The following ZC3H15 variants were observed in gnomAD, a reference collection of about 807,000 sequenced individuals.
ZC3H15 encodes the protein zinc finger CCCH domain-containing protein 15.
In ZC3H15, 15 loss-of-function variants were observed where a neutral mutation model predicts 51.2. That is an observed-to-expected ratio of 0.29 (90% CI 0.20 to 0.45). ZC3H15 has a LOEUF of 0.45. Ranked by LOEUF, ZC3H15 falls within the 20% of genes least tolerant of loss-of-function variation. The pLI is 1.00. For synonymous variants in ZC3H15, 144 were observed against 162.8 expected, an observed-to-expected ratio of 0.88 and a Z score of 0.88; for missense variants, 381 against 494.7, an observed-to-expected ratio of 0.77 and a Z score of 2.18.
intron 1 of ZC3H15, among the ~76,000 whole-genome samples, chr2:186,490,106 AT>A (rs200358174): frequency 0.011 from 1,701 of 151,884 alleles, 33 homozygotes; most frequent in African/African-American, 0.038. Context: ...TATTGCCTCC[AT>A]TTTTTTTATT....
At chr2:186,501,485 A>C (rs1685384019) in intron 4 of ZC3H15, 60 bp downstream of exon 4, 13 of 1,375,312 alleles carry the variant, frequency 9.5e-6, no homozygotes, top group Non-Finnish European at 1.3e-5. Flanking sequence ...GTTTGCTACT[A>C]AGATATTTAT....
chr2:186,508,941 A>G lies in ZC3H15; in HGVS notation c.*208A>G, dbSNP rs914242412. 2 of 649,810 alleles carry G rather than the reference A, an allele frequency of 3.1e-6. No individual in the cohort carries two copies. Among genetic ancestry groups the G allele is most frequent in the Non-Finnish European group, 5.6e-6 (2 of 358,628 alleles). 40.3% of individuals were successfully genotyped at this position (649,810 alleles called of 1,614,324 possible). On this transcript the variant is annotated 3_prime_UTR_variant, in exon 10 of 10. Coordinates refer to ENST00000337859, the MANE Select transcript of ZC3H15 (RefSeq NM_018471.3). ...TAGTAAGTTCAGAGTAGTTCATGATAAATTGAAAATATAATGGTCATTGCA... is the reference window on the plus strand; with the variant it reads ...TAGTAAGTTCAGAGTAGTTCATGATGAATTGAAAATATAATGGTCATTGCA...
chr2:186,494,275 C>A (rs547668288), intron 1 of ZC3H15, among the ~76,000 whole-genome samples: 1 of 152,096 alleles, frequency 6.6e-6, no homozygotes, highest in South Asian at 2.1e-4. Flanking sequence ...TTAGTATTTC[C>A]ATCTTAGCAA....
chr2:186,503,603 C>T (rs995975421), intron 5 of ZC3H15, among the ~76,000 whole-genome samples: 2 of 152,152 alleles, frequency 1.3e-5, no homozygotes, highest in Non-Finnish European at 2.9e-5. Context: ...GTCTTGAACT[C>T]CTGACCTCAG....
intron 1 of ZC3H15, among the ~76,000 whole-genome samples, chr2:186,490,062 C>T (rs542052600): frequency 2.2e-4 from 33 of 152,264 alleles, no homozygotes; most frequent in African/African-American, 7.2e-4. Flanking sequence ...TGCTTAGTTC[C>T]TGCCCATTTT....
intron 3 of ZC3H15, 45 bp from the exon 4 acceptor site, chr2:186,501,228 A>G (rs760232210): frequency 6.6e-7 from 1 of 1,513,678 alleles, no homozygotes; most frequent in East Asian, 2.3e-5. Context: ...TATACTTTAC[A>G]GCCTGGCAGA....
At chr2:186,506,189 T>C (rs191967649) in intron 8 of ZC3H15, 1 of 353,064 alleles carries the variant, frequency 2.8e-6, no homozygotes, top group East Asian at 6.8e-5. Flanking sequence ...TATTTTATGC[T>C]TAAAAGTTAT....
At chr2:186,490,750 A>G (rs1336190200) in intron 1 of ZC3H15, among the ~76,000 whole-genome samples, 1 of 152,068 alleles carries the variant, frequency 6.6e-6, no homozygotes, top group Non-Finnish European at 1.5e-5. Flanking sequence ...TTACGTACGG[A>G]TGGGAGGGAA....
chr2:186,506,133 G>C, intron 8 of ZC3H15: 2 of 432,428 alleles, frequency 4.6e-6, no homozygotes, highest in Non-Finnish European at 8.7e-6. Context: ...CCTGTAAAAA[G>C]TATGTTTTGT....
Position 186,508,611 on chromosome 2 carries a change from A to G in ZC3H15, c.1159A>G (p.Asn387Asp). 1.2e-6 allele frequency: 2 copies of G among 1,613,668 alleles called. No homozygotes were observed. The highest frequency in any genetic ancestry group is 1.1e-5 in the South Asian group (1 of 91,044). Residue 387 changes from asparagine (N) to aspartate (D), a missense_variant, in exon 10 of 10, where the codon AAC becomes GAC. Transcript: ENST00000337859. ...NGERSDLEED[N>D]EREGTENGAI... ...TGAAAGAAGTGACTTGGAAGAGGAC[A>G]ACGAGAGGGAGGGAACGGAAAATGG...
chr2:186,497,263 T>A, intron 2 of ZC3H15: 1 of 311,018 alleles, frequency 3.2e-6, no homozygotes, highest in Non-Finnish European at 6.1e-6. Context: ...ATTTGTGAGA[T>A]AAGTAAATTT....
intron 3 of ZC3H15, 119 bp downstream of exon 3, chr2:186,500,412 A>C: frequency 1.1e-6 from 1 of 896,228 alleles, no homozygotes; most frequent in South Asian, 1.7e-5. Flanking sequence ...TGAAAATGTT[A>C]CTCCATCAAA....
chr2:186,497,272 T>G, intron 2 of ZC3H15: 1 of 309,960 alleles, frequency 3.2e-6, no homozygotes, highest in Middle Eastern at 1.2e-3. Flanking sequence ...ATAAGTAAAT[T>G]TCTCTTGCTC....
intron 1 of ZC3H15, 147 bp downstream of exon 1, chr2:186,486,604 C>A (rs998224766): frequency 9.1e-6 from 7 of 772,862 alleles, no homozygotes; most frequent in Non-Finnish European, 1.3e-5. Context: ...TCTCCAGCCC[C>A]TGATGACGCT....
At chr2:186,500,606 G>T in intron 3 of ZC3H15, 1 of 512,480 alleles carries the variant, frequency 2.0e-6, no homozygotes, top group Middle Eastern at 2.9e-4. Flanking sequence ...TGAATAAACT[G>T]TACGTCCCAA....
chr2:186,491,104 G>A (rs1332147872), intron 1 of ZC3H15, among the ~76,000 whole-genome samples: 1 of 152,152 alleles, frequency 6.6e-6, no homozygotes, highest in Non-Finnish European at 1.5e-5. Context: ...TTCAAGAGGT[G>A]CTATTGGTAT....
chr2:186,507,100 G>A (rs938327998), intron 9 of ZC3H15, among the ~76,000 whole-genome samples: 7 of 152,152 alleles, frequency 4.6e-5, no homozygotes, highest in African/African-American at 1.7e-4. Context: ...GACCTCATGA[G>A]TTTGAGATTT....
At chr2:186,499,684 A>T (rs1490401075) in intron 2 of ZC3H15, 5 of 427,530 alleles carry the variant, frequency 1.2e-5, no homozygotes, top group African/African-American at 2.1e-5. Flanking sequence ...GTGTGCCTGG[A>T]ACTATGTTAT....
chr2:186,497,229 T>A (rs889967403), intron 2 of ZC3H15: 36 of 379,258 alleles, frequency 9.5e-5, no homozygotes, highest in Middle Eastern at 7.8e-4. Flanking sequence ...TGTTTACAGA[T>A]TTTTTAAAAA....
Sources: gnomAD v4.1 joint callset for allele counts (sites outside exome capture counted in the v4.1 genomes callset) on GRCh38, gnomAD v4.1.1 for gene constraint, MANE v1.5 for transcripts, NCBI Gene and HGNC (gene_info 2026-07-23, HGNC 2026-07-21) for gene names.